Variants in NLGN1 observed in about 807,000 individuals in gnomAD.
NLGN1 encodes the protein neuroligin-1.
Under a neutral mutation model 65.5 loss-of-function variants are expected in NLGN1, and 12 were observed. That is an observed-to-expected ratio of 0.18 (90% CI 0.12 to 0.30). NLGN1 has a LOEUF of 0.30. Ranked by LOEUF, NLGN1 falls within the 10% of genes least tolerant of loss-of-function variation. The probability of loss-of-function intolerance (pLI) is 1.00; values close to 1 mark genes in which losing one functional copy is unlikely to be tolerated. For synonymous variants in NLGN1, 350 were observed against 359.5 expected (o/e 0.97, Z 0.30); for missense variants, 750 against 1,007.1 (o/e 0.74, Z 3.46).
chr3:174,288,816 T>C (rs1019473699), downstream of NLGN1, among the ~76,000 whole-genome samples: 12 of 151,530 alleles, frequency 7.9e-5, no homozygotes, highest in Admixed American at 1.3e-4. Context: ...TGCAATACTA[T>C]TACATTCTTT....
chr3:173,568,628 A>C (rs965982638), intron 2 of NLGN1, among the ~76,000 whole-genome samples: 3 of 151,984 alleles, frequency 2.0e-5, no homozygotes, highest in Non-Finnish European at 2.9e-5. Flanking sequence ...AAACAAAACA[A>C]ATTAGGAAAA....
At chr3:174,210,499 C>G (rs375220964) in intron 4 of NLGN1, among the ~76,000 whole-genome samples, 2 of 152,200 alleles carry the variant, frequency 1.3e-5, no homozygotes, top group Non-Finnish European at 2.9e-5. Context: ...TGGAACAGGA[C>G]TGCCTATTGT....
intron 4 of NLGN1, among the ~76,000 whole-genome samples, chr3:174,035,154 A>G (rs895973123): frequency 7.9e-5 from 12 of 152,194 alleles, no homozygotes; most frequent in African/African-American, 2.2e-4. Flanking sequence ...TGAAAATACA[A>G]TTGGTGAGTG....
intron 4 of NLGN1, among the ~76,000 whole-genome samples, chr3:173,980,647 C>CA (rs1168536317): frequency 5.3e-5 from 8 of 151,510 alleles, no homozygotes; most frequent in Middle Eastern, 3.4e-3. Flanking sequence ...GATATGTTTT[C>CA]AAAAAAAACA....
chr3:174,187,680 A>G (rs1731664185), intron 4 of NLGN1, among the ~76,000 whole-genome samples: 1 of 152,076 alleles, frequency 6.6e-6, no homozygotes, highest in African/African-American at 2.4e-5. Flanking sequence ...CTTCACAATT[A>G]TGTTTATTGA....
At chr3:173,899,365 GA>G (rs1736916885) in intron 4 of NLGN1, among the ~76,000 whole-genome samples, 1 of 152,020 alleles carries the variant, frequency 6.6e-6, no homozygotes, top group South Asian at 2.1e-4. Flanking sequence ...ATGTTTTTAA[GA>G]AAAATTTGGA....
chr3:173,753,480 T>C (rs1396049427), intron 3 of NLGN1, among the ~76,000 whole-genome samples: 1 of 152,164 alleles, frequency 6.6e-6, no homozygotes, highest in African/African-American at 2.4e-5. Context: ...GCAAGTTATG[T>C]TGGCTATACC....
intron 4 of NLGN1, among the ~76,000 whole-genome samples, chr3:173,965,700 C>A (rs560830010): frequency 6.6e-6 from 1 of 152,020 alleles, no homozygotes; most frequent in African/African-American, 2.4e-5. Context: ...TGGATTTTCT[C>A]TTTTTCAGGA....
At chr3:174,181,780 C>A (rs62290317) in intron 4 of NLGN1, among the ~76,000 whole-genome samples, 1 of 29,806 alleles carries the variant, frequency 3.4e-5, no homozygotes, top group Non-Finnish European at 8.4e-5. Flanking sequence ...AATAAAAATA[C>A]ACACACACAC....
chr3:173,968,103 T>A (rs1715280731), intron 4 of NLGN1, among the ~76,000 whole-genome samples: 1 of 152,156 alleles, frequency 6.6e-6, no homozygotes, highest in African/African-American at 2.4e-5. Context: ...TTTTCTAAAT[T>A]ATAATAAAGT....
intron 2 of NLGN1, among the ~76,000 whole-genome samples, chr3:173,438,146 G>A (rs1298040686): frequency 6.6e-6 from 1 of 152,034 alleles, no homozygotes; most frequent in East Asian, 1.9e-4. Flanking sequence ...ATAAGCCTTT[G>A]ATGGTTTGGT....
At chr3:173,544,005 G>A (rs1739329400) in intron 2 of NLGN1, among the ~76,000 whole-genome samples, 1 of 152,220 alleles carries the variant, frequency 6.6e-6, no homozygotes, top group South Asian at 2.1e-4. Context: ...GCATCTAAGA[G>A]GTTAAAGATG....
At chr3:174,031,740 G>T (rs1042854397) in intron 4 of NLGN1, among the ~76,000 whole-genome samples, 2 of 152,050 alleles carry the variant, frequency 1.3e-5, no homozygotes, top group Non-Finnish European at 2.9e-5. Context: ...AGAGAATTGA[G>T]AAAATGTAGA....
chr3:173,630,700 C>G (rs755856095), intron 3 of NLGN1, among the ~76,000 whole-genome samples: 26 of 152,202 alleles, frequency 1.7e-4, no homozygotes, highest in Admixed American at 5.2e-4. Flanking sequence ...AATGACATCT[C>G]TTACTAGGTA....
chr3:174,024,374 A>G (rs1221314312), intron 4 of NLGN1, among the ~76,000 whole-genome samples: 2 of 152,140 alleles, frequency 1.3e-5, no homozygotes, highest in African/African-American at 2.4e-5. Context: ...GGCCATGAGA[A>G]CAATAGGAGT....
At chr3:173,453,263 G>A (rs961570605) in intron 2 of NLGN1, among the ~76,000 whole-genome samples, 61 of 150,932 alleles carry the variant, frequency 4.0e-4, no homozygotes, top group Non-Finnish European at 1.9e-4. Context: ...AATGTTGTAC[G>A]TGTGTGTGTG....
At chr3:173,844,805 A>G (rs1205322091) in intron 4 of NLGN1, among the ~76,000 whole-genome samples, 1 of 152,234 alleles carries the variant, frequency 6.6e-6, no homozygotes, top group Non-Finnish European at 1.5e-5. Context: ...AATTTTATTG[A>G]GCCTGTAGTG....
At chr3:173,623,956 C>A (rs1246663015) in intron 3 of NLGN1, among the ~76,000 whole-genome samples, 1 of 152,012 alleles carries the variant, frequency 6.6e-6, no homozygotes, top group Non-Finnish European at 1.5e-5. Context: ...CAATAAATAA[C>A]TTTATTAGCC....
intron 4 of NLGN1, among the ~76,000 whole-genome samples, chr3:174,169,256 T>G (rs1055089281): frequency 2.6e-5 from 4 of 151,752 alleles, no homozygotes; most frequent in Admixed American, 6.6e-5. Context: ...GGCTGCTGAG[T>G]TAGGCAAACA....
Sources: allele counts gnomAD v4.1 joint callset (sites outside exome capture counted in the v4.1 genomes callset), GRCh38; gene constraint gnomAD v4.1.1; transcripts MANE v1.5; gene names NCBI Gene and HGNC (gene_info 2026-07-23, HGNC 2026-07-21).